MGAT4C: variants seen among roughly 807,000 people sequenced by gnomAD.
MGAT4C encodes MGAT4 family member C.
A neutral mutation model predicts 40.1 loss-of-function variants in MGAT4C; 19 were observed. That is an observed-to-expected ratio of 0.47 (90% CI 0.33 to 0.70). The LOEUF (loss-of-function observed/expected upper bound fraction) is 0.70, where lower values mean the gene tolerates loss of function less well. Among genes scored for constraint, MGAT4C ranks in the 30% least tolerant of loss-of-function variants. MGAT4C has a pLI of 0.02. For synonymous variants in MGAT4C, 181 were observed against 187.1 expected (o/e 0.97, Z 0.27); for missense variants, 491 against 563.2 (o/e 0.87, Z 1.30).
intron 1 of MGAT4C, among the ~76,000 whole-genome samples, chr12:86,208,864 T>C (rs1950355460): frequency 6.6e-6 from 1 of 152,112 alleles, no homozygotes; most frequent in South Asian, 2.1e-4. Context: ...TTTACTTAAG[T>C]AACTAATAAG....
intron 2 of MGAT4C, among the ~76,000 whole-genome samples, chr12:86,587,578 A>C (rs1221983095): frequency 6.6e-6 from 1 of 152,042 alleles, no homozygotes; most frequent in Non-Finnish European, 1.5e-5. Context: ...CTTCCTACCC[A>C]TGAGCATGGA....
chr12:86,418,796 A>C (rs1057171779), intron 3 of MGAT4C, among the ~76,000 whole-genome samples: 1 of 152,066 alleles, frequency 6.6e-6, no homozygotes, highest in East Asian at 1.9e-4. Context: ...TGTAGAAGGA[A>C]GAAAGAGTAT....
At chr12:86,011,966 C>T (rs975167091) in intron 2 of MGAT4C, 10 of 573,834 alleles carry the variant, frequency 1.7e-5, no homozygotes, top group African/African-American at 2.1e-5. Context: ...GTTCCATGTT[C>T]AAATAACATT....
intron 2 of MGAT4C, among the ~76,000 whole-genome samples, chr12:86,704,343 C>T (rs1224722106): frequency 6.6e-6 from 1 of 151,882 alleles, no homozygotes; most frequent in East Asian, 1.9e-4. Context: ...GTGATACAGA[C>T]CTTACCTTTG....
At chr12:86,660,009 C>A (rs757145753) in intron 2 of MGAT4C, among the ~76,000 whole-genome samples, 4 of 151,174 alleles carry the variant, frequency 2.6e-5, no homozygotes, top group African/African-American at 9.8e-5. Flanking sequence ...GTCTGTCCAG[C>A]ACCCTCTATT....
At chr12:86,075,560 C>T (rs1363337961) in intron 1 of MGAT4C, among the ~76,000 whole-genome samples, 1 of 152,242 alleles carries the variant, frequency 6.6e-6, no homozygotes, top group African/African-American at 2.4e-5. Context: ...TGTGGGGGCT[C>T]TGATCCCACA....
chr12:86,599,493 C>T (rs1159287154), intron 2 of MGAT4C: 4 of 152,056 alleles, frequency 2.6e-5, no homozygotes, highest in Non-Finnish European at 4.4e-5. Flanking sequence ...TATGAATGTA[C>T]TTCATTTGAT....
At chr12:86,511,734 C>T (rs1184298133) in intron 2 of MGAT4C, among the ~76,000 whole-genome samples, 2 of 152,052 alleles carry the variant, frequency 1.3e-5, no homozygotes, top group Non-Finnish European at 2.9e-5. Context: ...TTGCACCGCA[C>T]ACACAAGTCA....
intron 1 of MGAT4C, among the ~76,000 whole-genome samples, chr12:86,768,213 T>C (rs1462614712): frequency 1.3e-5 from 2 of 152,164 alleles, no homozygotes; most frequent in Admixed American, 6.5e-5. Context: ...AGAATTCTTA[T>C]ACACCAATAG....
At chr12:86,460,658 TAATA>T (rs1957584037) in intron 2 of MGAT4C, among the ~76,000 whole-genome samples, 2 of 151,984 alleles carry the variant, frequency 1.3e-5, no homozygotes, top group South Asian at 2.1e-4. Flanking sequence ...TTACCTTTAA[TAATA>T]AATAATAGCA....
chr12:86,315,430 C>T (rs1008501983), intron 4 of MGAT4C, among the ~76,000 whole-genome samples: 30 of 151,958 alleles, frequency 2.0e-4, no homozygotes, highest in African/African-American at 5.1e-4. Flanking sequence ...AGGCCGGGCG[C>T]GGTGGCTCAC....
Position 86,684,781 on chromosome 12 carries a change from G to A in MGAT4C, c.-229+42428C>T, listed in dbSNP as rs557966949. Among the ~76,000 whole-genome samples, 8 of 151,752 alleles carry A rather than the reference G, an allele frequency of 5.3e-5. No homozygotes were observed. In the East Asian group the frequency reaches 7.8e-4, roughly 15 times the overall value. On this transcript the variant is annotated intron_variant, in intron 2 of 7. Transcript: ENST00000548651. ...TCTGATTTTCATTTCTCTAATGACC[G>A]ATGATGATGAGCTTTTTTTTTTTCA...
chr12:86,498,724 G>T (rs1273668345), intron 2 of MGAT4C, among the ~76,000 whole-genome samples: 1 of 151,932 alleles, frequency 6.6e-6, no homozygotes, highest in Non-Finnish European at 1.5e-5. Context: ...AATGCCTGGT[G>T]ATGCTAATTA....
At chr12:86,663,112 C>G (rs1350348700) in intron 2 of MGAT4C, among the ~76,000 whole-genome samples, 1 of 151,854 alleles carries the variant, frequency 6.6e-6, no homozygotes, top group Non-Finnish European at 1.5e-5. Context: ...GTTGTAATCT[C>G]AGCACTTTGA....
At chr12:86,815,576 T>C (rs1309568342) in intron 1 of MGAT4C, among the ~76,000 whole-genome samples, 1 of 151,216 alleles carries the variant, frequency 6.6e-6, no homozygotes, top group Non-Finnish European at 1.5e-5. Flanking sequence ...CAATTCACAA[T>C]AGCAAAATCG....
chr12:86,606,088 C>A (rs937353738), intron 2 of MGAT4C, among the ~76,000 whole-genome samples: 1 of 151,824 alleles, frequency 6.6e-6, no homozygotes, highest in Admixed American at 6.6e-5. Context: ...TCTTATAAAA[C>A]CATTAGATCT....
chr12:86,817,046 C>T (rs1173852109), intron 1 of MGAT4C, among the ~76,000 whole-genome samples: 1 of 150,136 alleles, frequency 6.7e-6, no homozygotes, highest in Admixed American at 6.7e-5. Context: ...TCAGTATATT[C>T]AGTTGCCTTC....
At chr12:86,255,074 C>T (rs549568097) in intron 1 of MGAT4C, among the ~76,000 whole-genome samples, 91 of 151,964 alleles carry the variant, frequency 6.0e-4, no homozygotes, top group Non-Finnish European at 1.1e-3. Flanking sequence ...GTTAAAGGCA[C>T]AGTAAAAATA....
rs1299776214 is a variant in MGAT4C at position 86,743,143 on chromosome 12, TG to T, written c.-261-15903del. On this transcript the variant is annotated intron_variant, in intron 1 of 7. Transcript: ENST00000548651. ...GTGTGTGTGTGTGTGTGTGTGTGTG[TG>T]TGTATAGAAGTGTCATTTCGGGGTC... Among the ~76,000 whole-genome samples, 22 of 149,618 alleles carry T rather than the reference TG, an allele frequency of 1.5e-4. No homozygotes were observed. The East Asian group carries it at 4.3e-3, about 29-fold the overall frequency.
Sources: allele counts gnomAD v4.1 joint callset (sites outside exome capture counted in the v4.1 genomes callset), GRCh38; gene constraint gnomAD v4.1.1; transcripts MANE v1.5; gene names NCBI Gene and HGNC (gene_info 2026-07-23, HGNC 2026-07-21).